Variants in MCCC1 observed in about 807,000 individuals in gnomAD.
MCCC1 encodes methylcrotonoyl-CoA carboxylase subunit alpha, mitochondrial.
In MCCC1, 64 loss-of-function variants were observed where a neutral mutation model predicts 83.8. The ratio of observed to expected loss-of-function variants is 0.76; its 90% CI spans 0.62 to 0.94. The LOEUF (loss-of-function observed/expected upper bound fraction) is 0.94, where lower values mean the gene tolerates loss of function less well. MCCC1 is among the 40% of genes least tolerant of loss of function. The probability of loss-of-function intolerance (pLI) is 0.00; values close to 1 mark genes in which losing one functional copy is unlikely to be tolerated. For missense variants in MCCC1, 807 were observed against 904.7 expected (o/e 0.89, Z 1.39); for synonymous variants, 322 against 315.4 (o/e 1.02, Z -0.22).
chr3:183,115,197 A>C (rs936956044), intron 1 of MCCC1, among the ~76,000 whole-genome samples: 27 of 152,090 alleles, frequency 1.8e-4, no homozygotes, highest in African/African-American at 6.5e-4. Flanking sequence ...GACCTTACTA[A>C]AACACATCAA....
chr3:183,092,287 T>C (rs1718414224), intron 3 of MCCC1, 122 bp downstream of exon 3: 1 of 1,262,568 alleles, frequency 7.9e-7, no homozygotes, highest in African/African-American at 1.5e-5. Context: ...AGTGAGCAGT[T>C]TGAACTTACC....
rs201427541 is a variant in MCCC1, at chr3:183,094,568, T to C, written c.127A>G (p.Thr43Ala). The change falls in exon 2 of 19, where the codon ACA becomes GCA. Residue 43 changes from threonine to alanine, a missense_variant. Transcript: ENST00000265594. ...VWRQRTMKYT[T>A]ATGRNITKVL... ...CAAAGTCTGTCAGTACCTGTGGCTGTTGTGTACTTCATGGTTCTTTGCCTC... is the reference window on the plus strand; with the variant it reads ...CAAAGTCTGTCAGTACCTGTGGCTGCTGTGTACTTCATGGTTCTTTGCCTC... The C allele has an allele frequency of 1.2e-6, 2 of 1,613,758 alleles. No homozygotes were observed. The highest frequency in any genetic ancestry group is 2.2e-5 in the East Asian group (1 of 44,878).
intron 4 of MCCC1, among the ~76,000 whole-genome samples, chr3:183,078,211 G>T (rs903064924): frequency 1.3e-4 from 19 of 151,980 alleles, no homozygotes; most frequent in African/African-American, 4.6e-4. Flanking sequence ...GTAGAGACAG[G>T]GTTTCACCAT....
intron 9 of MCCC1, 116 bp from the exon 10 acceptor site, chr3:183,045,656 T>C (rs1203565654): frequency 3.8e-6 from 4 of 1,061,922 alleles, no homozygotes; most frequent in Middle Eastern, 4.3e-4. Context: ...GGTAACACTT[T>C]GCATTTCATG....
intron 2 of MCCC1, among the ~76,000 whole-genome samples, chr3:183,093,258 G>A (rs987582281): frequency 5.9e-5 from 9 of 152,046 alleles, no homozygotes; most frequent in South Asian, 4.1e-4. Context: ...ACTCAACATC[G>A]ACTTAAATTT....
chr3:183,022,124 G>A (rs1405579064), intron 16 of MCCC1, among the ~76,000 whole-genome samples: 1 of 152,194 alleles, frequency 6.6e-6, no homozygotes, highest in African/African-American at 2.4e-5. Flanking sequence ...ACCACCCACT[G>A]AGCAGGGAGA....
At chr3:183,075,422 T>A (rs1278756056) in intron 4 of MCCC1, among the ~76,000 whole-genome samples, 1 of 152,200 alleles carries the variant, frequency 6.6e-6, no homozygotes, top group Non-Finnish European at 1.5e-5. Context: ...TGGTGTGAGA[T>A]GGTGTCTCAT....
intron 9 of MCCC1, among the ~76,000 whole-genome samples, chr3:183,050,191 T>A (rs1469396639): frequency 1.3e-5 from 2 of 151,626 alleles, no homozygotes; most frequent in Admixed American, 6.6e-5. Flanking sequence ...CTCTATAAAA[T>A]TAAATTAAAA....
intron 15 of MCCC1, 101 bp from the exon 16 acceptor site, chr3:183,022,655 A>G (rs1166176612): frequency 1.9e-6 from 2 of 1,069,068 alleles, no homozygotes; most frequent in Admixed American, 2.3e-5. Flanking sequence ...TTAAAACATA[A>G]AATGTGTCTT....
At chr3:183,034,188 T>G in intron 13 of MCCC1, 111 bp from the exon 14 acceptor site, 1 of 764,278 alleles carries the variant, frequency 1.3e-6, no homozygotes, top group Non-Finnish European at 2.2e-6. Context: ...CAGTGGCTCA[T>G]GCCTGTAATC....
rs1281627972 is a variant in MCCC1 at position 183,095,804 on chromosome 3, T to C, written c.90-1199A>G. Among the ~76,000 whole-genome samples, 7 of 152,186 alleles carry C rather than the reference T, an allele frequency of 4.6e-5. No individual in the cohort carries two copies. The South Asian group carries it at 1.0e-3, about 23-fold the overall frequency. ...CGAGATGAGACTATAAGAGGTGATC[T>C]TGAAGGTACCTCTCAGATTTAAAAG... On this transcript the variant is annotated intron_variant, in intron 1 of 18. Transcript: ENST00000265594.
chr3:183,109,866 C>T (rs1019966649), intron 1 of MCCC1, among the ~76,000 whole-genome samples: 1 of 152,176 alleles, frequency 6.6e-6, no homozygotes, highest in Admixed American at 6.5e-5. Context: ...ATTTACATTC[C>T]CACCAGCAGT....
At chr3:183,088,811 T>C (rs1204817755) in intron 3 of MCCC1, among the ~76,000 whole-genome samples, 1 of 152,252 alleles carries the variant, frequency 6.6e-6, no homozygotes, top group Non-Finnish European at 1.5e-5. Context: ...TTTTTCTTGC[T>C]AGTACACATG....
At chr3:183,085,317 T>C (rs1293039916) in intron 4 of MCCC1, among the ~76,000 whole-genome samples, 2 of 151,876 alleles carry the variant, frequency 1.3e-5, no homozygotes, top group African/African-American at 4.8e-5. Context: ...CTCCCCAGCT[T>C]TAAAAAACCT....
At position 183,042,736 on chromosome 3, in the gene MCCC1, T is replaced by A. The variant is rs557515453; in HGVS notation, c.1084-986A>T. On this transcript the variant is annotated intron_variant, in intron 10 of 18. Coordinates refer to ENST00000265594, the MANE Select transcript of MCCC1 (RefSeq NM_020166.5). ...TGCCTAGGTTCAAATTTTGTCTCTA[T>A]ACTTACTTTGTCATCTAGACAAGTT... 4.9e-4 allele frequency among the ~76,000 whole-genome samples: 74 copies of A among 152,368 alleles called. No individual in the cohort carries two copies. In the South Asian group the frequency reaches 0.015, roughly 31 times the overall value.
At chr3:183,095,147 A>G (rs1056178601) in intron 1 of MCCC1, among the ~76,000 whole-genome samples, 2 of 151,956 alleles carry the variant, frequency 1.3e-5, no homozygotes, top group Admixed American at 6.6e-5. Context: ...GCCGGGCGTC[A>G]TGGCGGGCAC....
At chr3:183,072,248 G>T (rs1192380866) in intron 5 of MCCC1, 118 bp downstream of exon 5, 1 of 1,218,480 alleles carries the variant, frequency 8.2e-7, no homozygotes, top group Non-Finnish European at 1.2e-6. Flanking sequence ...CTGGCCTCAA[G>T]CTATCCTCCT....
At chr3:183,075,353 T>A (rs925286396) in intron 4 of MCCC1, among the ~76,000 whole-genome samples, 1 of 152,214 alleles carries the variant, frequency 6.6e-6, no homozygotes, top group African/African-American at 2.4e-5. Context: ...CGTTCCCTTT[T>A]CTCCACAACC....
intron 18 of MCCC1, chr3:183,016,957 A>G (rs1242235683): frequency 4.8e-6 from 2 of 415,248 alleles, no homozygotes; most frequent in African/African-American, 4.0e-5. Flanking sequence ...AAACACCAAC[A>G]GTTAACATTC....
Sources: allele counts gnomAD v4.1 joint callset (sites outside exome capture counted in the v4.1 genomes callset), GRCh38; gene constraint gnomAD v4.1.1; transcripts MANE v1.5; gene names NCBI Gene and HGNC (gene_info 2026-07-23, HGNC 2026-07-21).